The following OR10H1 variants were observed in gnomAD, a reference collection of about 807,000 sequenced individuals.
OR10H1 encodes the protein olfactory receptor family 10 subfamily H member 1.
OR10H1 carries 12 observed loss-of-function variants against 13.1 expected under a neutral mutation model. That is an observed-to-expected ratio of 0.92 (90% CI 0.59 to 1.48). OR10H1 has a LOEUF of 1.48. Among genes scored for constraint, OR10H1 ranks in the 40% most tolerant of loss-of-function variants. The probability of loss-of-function intolerance (pLI) is 0.00; values close to 1 mark genes in which losing one functional copy is unlikely to be tolerated. For missense variants in OR10H1, 363 were observed against 413.1 expected (o/e 0.88, Z 1.05); for synonymous variants, 168 against 175.6 (o/e 0.96, Z 0.34).
At position 15,805,170 on chromosome 19, in the gene OR10H1, G is replaced by C. The variant is rs2088888539; in HGVS notation, c.*1911C>G. On this transcript the variant is annotated 3_prime_UTR_variant, in exon 4 of 4. Transcript: ENST00000641419. ...GCAAAAATTTTCTCCCATTCTGTAG[G>C]TTGCCTGTTCACTCTGATGGTAGTT... The C allele has an allele frequency of 6.6e-6, 1 of 151,938 alleles. No homozygotes were observed. The highest frequency in any genetic ancestry group is 1.5e-5 in the Non-Finnish European group (1 of 67,986). The allele number at this position is 151,938 out of a possible 1,614,324, so 9.4% of individuals were successfully genotyped here. A position where few individuals can be genotyped will look rare whatever the true frequency, so the allele number is the denominator to read the frequency against.
intron 1 of OR10H1, among the ~76,000 whole-genome samples, chr19:15,814,583 G>A (rs988258105): frequency 6.0e-5 from 9 of 151,086 alleles, no homozygotes; most frequent in African/African-American, 2.2e-4. Flanking sequence ...CACAATCACA[G>A]CTCACTGCAG....
chr19:15,810,884 GAAAT>G (rs1359415696), intron 2 of OR10H1, among the ~76,000 whole-genome samples: 7 of 58,732 alleles, frequency 1.2e-4, no homozygotes, highest in East Asian at 3.2e-4. Flanking sequence ...TAAAAATAAA[GAAAT>G]AAAATAAAAT....
chr19:15,808,131 G>T, intron 3 of OR10H1, 83 bp from the exon 4 acceptor site: 3 of 1,145,078 alleles, frequency 2.6e-6, no homozygotes, highest in Non-Finnish European at 3.8e-6. Flanking sequence ...TTTGCCCAAG[G>T]GACTGCTCTT....
rs763778171 is a variant in OR10H1, at chr19:15,807,606, C to T, written c.432G>A (p.Leu144=). 1.9e-5 allele frequency: 30 copies of T among 1,614,120 alleles called. No homozygotes were observed. Among genetic ancestry groups the T allele is most frequent in the Non-Finnish European group, 2.5e-5 (29 of 1,180,050 alleles). ...VLMSPRGCAC[L]VGCSWAGGLV... ...AGCCACCAGCCCAGGAGCAGCCCAC[C>T]AGGCAGGCGCAGCCCCGCGGGCTCA... Residue 144 remains leucine (L), a synonymous_variant, in exon 4 of 4, where the codon CTG becomes CTA. Transcript: ENST00000641419.
In OR10H1 at chr19:15,807,333, C is replaced by G. The variant is rs551865251; in HGVS notation, c.705G>C (p.Arg235=). 3.1e-6 allele frequency: 5 copies of G among 1,613,902 alleles called. No homozygotes were observed. In the Admixed American group the frequency reaches 8.3e-5, roughly 27 times the overall value. Residue 235 remains arginine (R), a synonymous_variant, in exon 4 of 4, where the codon CGG becomes CGC. Coordinates refer to ENST00000641419, the MANE Select transcript of OR10H1 (RefSeq NM_013940.4). The part of the protein sequence containing the change: ...AILKIPSAEG[R]NKAFSTCASH... Reference sequence around the variant, plus strand: ...AGGCACAGGTGGAGAAGGCCTTGTTCCGACCTTCAGCAGAAGGGATCTTCA... The same window carrying G: ...AGGCACAGGTGGAGAAGGCCTTGTTGCGACCTTCAGCAGAAGGGATCTTCA...
chr19:15,807,790 G>C lies in OR10H1; in HGVS notation c.248C>G (p.Ala83Gly). ...GGAGCGCTGGGTGGACAGCAGGTCG[G>C]CCAGCATGCGCGGGATGATGGCCAC... Reference protein sequence around the residue: ...YTVAIIPRMLADLLSTQRSIA... With the variant: ...YTVAIIPRMLGDLLSTQRSIA... The change falls in exon 4 of 4, where the codon GCC becomes GGC. Residue 83 changes from alanine to glycine, a missense_variant. Ala to Gly is a moderately conservative substitution (Grantham distance 60). This residue lies in a region of OR10H1 where 318 missense variants were observed against 366.6 expected (regional missense o/e 0.87). Transcript: ENST00000641419. 1 of 1,606,792 alleles carries C rather than the reference G, an allele frequency of 6.2e-7. No individual in the cohort carries two copies. The highest frequency in any genetic ancestry group is 8.5e-7 in the Non-Finnish European group (1 of 1,174,592).
intron 1 of OR10H1, among the ~76,000 whole-genome samples, chr19:15,813,978 G>T (rs1390270835): frequency 2.6e-5 from 4 of 152,042 alleles, no homozygotes; most frequent in African/African-American, 9.7e-5. Context: ...AACACCCGGT[G>T]GGGCCAGTTC....
intron 2 of OR10H1, among the ~76,000 whole-genome samples, chr19:15,811,205 C>T (rs561221273): frequency 1.7e-3 from 261 of 152,276 alleles, no homozygotes; most frequent in Non-Finnish European, 3.1e-3. Flanking sequence ...ATAGTGGCCC[C>T]CACAGCACCA....
chr19:15,815,289 C>T (rs147680507), intron 1 of OR10H1, among the ~76,000 whole-genome samples: 1,813 of 149,514 alleles, frequency 0.012, 32 homozygotes, highest in African/African-American at 0.042. Flanking sequence ...TGCAGTGAGC[C>T]GAGATTGCGC....
Position 15,808,011 on chromosome 19 carries a change from C to T in OR10H1, c.27G>A (p.Val9=). 6.2e-7 allele frequency: 1 copy of T among 1,613,752 alleles called. No homozygotes were observed. The highest frequency in any genetic ancestry group is 8.5e-7 in the Non-Finnish European group (1 of 1,179,774). The change falls in exon 4 of 4, where the codon GTG becomes GTA. Residue 9 remains valine (V), a synonymous_variant. Coordinates refer to ENST00000641419, the MANE Select transcript of OR10H1 (RefSeq NM_013940.4). MQRANHST[V]TQFILVGFSV... ...AGAAGCCGACGAGGATGAATTGGGT[C>T]ACTGTGGAGTGATTGGCTCTCTGCA...
rs199627907 is a variant in OR10H1, at chr19:15,807,770, G to A, written c.268C>T (p.Arg90Cys). Reference sequence around the variant, plus strand: ...GCACAGGCCAGGAAGGCGATGGAGCGCTGGGTGGACAGCAGGTCGGCCAGC... The same window carrying A: ...GCACAGGCCAGGAAGGCGATGGAGCACTGGGTGGACAGCAGGTCGGCCAGC... ...RMLADLLSTQRSIAFLACASQ... is the reference protein window; with the variant it reads ...RMLADLLSTQCSIAFLACASQ... The change falls in exon 4 of 4, where the codon CGC (arginine) becomes TGC (cysteine). Residue 90 changes from arginine to cysteine, a missense_variant. Arg to Cys is a radical substitution (Grantham distance 180). This residue lies in a region of OR10H1 where 318 missense variants were observed against 366.6 expected (regional missense o/e 0.87). Transcript: ENST00000641419. 24 of 1,608,796 alleles carry A rather than the reference G, an allele frequency of 1.5e-5. No homozygotes were observed. The East Asian group carries it at 1.6e-4, about 10-fold the overall frequency.
chr19:15,814,476 TGTGTGAGAGAGAGAGAGA>T (rs751141416), intron 1 of OR10H1, among the ~76,000 whole-genome samples: 291 of 42,982 alleles, frequency 6.8e-3, no homozygotes, highest in African/African-American at 0.024. Flanking sequence ...TGTGTGTGTG[TGTGTGAGAGAGAGAGAGA>T]GAGAGAGAGA....
chr19:15,813,966 G>A (rs1308860333), intron 1 of OR10H1, among the ~76,000 whole-genome samples: 3 of 152,036 alleles, frequency 2.0e-5, no homozygotes, highest in African/African-American at 7.2e-5. Context: ...AGCACTGACA[G>A]GAACACCCGG....
Position 15,807,513 on chromosome 19 carries a change from G to A in OR10H1, c.525C>T (p.His175=). The change falls in exon 4 of 4, where the codon CAC becomes CAT. Residue 175 remains histidine (H), a synonymous_variant. Transcript: ENST00000641419. ...GAGGTGGCACATGGCAAGCAAAATG[G>A]TGGATCTCCTTGTGTCCACAGAAGG... ...HLAFCGHKEI[H]HFACHVPPLL... is the part of the protein sequence containing the mutation. 2 of 1,614,242 alleles carry A rather than the reference G, an allele frequency of 1.2e-6. No homozygotes were observed. Among genetic ancestry groups the A allele is most frequent in the Non-Finnish European group, 1.7e-6 (2 of 1,180,050 alleles).
chr19:15,813,064 CA>C lies in OR10H1; in HGVS notation c.-777-187del, dbSNP rs373183585. Among the ~76,000 whole-genome samples the C allele has an allele frequency of 5.4e-3, 819 of 151,524 alleles. 10 individuals are homozygous for C. The highest frequency in any genetic ancestry group is 0.019 in the African/African-American group (781 of 41,274). On this transcript the variant is annotated intron_variant, in intron 1 of 3. Transcript: ENST00000641419. ...TCAAAACCCAGAGAATGTACAGCCC[CA>C]AGAGTGAACTCTAATGTAACTGTGG...
At chr19:15,814,417 T>C (rs369646375) in intron 1 of OR10H1, among the ~76,000 whole-genome samples, 3 of 147,996 alleles carry the variant, frequency 2.0e-5, no homozygotes, top group African/African-American at 2.5e-5. Context: ...AACCATTCCC[T>C]CACCACCTGC....
Position 15,807,138 on chromosome 19 carries a change from G to A in OR10H1, c.900C>T (p.Val300=), listed in dbSNP as rs763196892. Residue 300 remains valine, a synonymous_variant, in exon 4 of 4, where the codon GTC becomes GTT. Coordinates refer to ENST00000641419, the MANE Select transcript of OR10H1 (RefSeq NM_013940.4). The stretch of plus-strand genomic sequence containing the variant: ...TACTGAAGAAGGTCTTCTTCATGGC[G>A]ACCTTCAGCTCCTTGTTCCTGAGGC... The part of the protein sequence containing the change: ...IFSLRNKELK[V]AMKKTFFSKL... The A allele has an allele frequency of 9.3e-6, 15 of 1,613,936 alleles. No homozygotes were observed. The highest frequency in any genetic ancestry group is 1.7e-5 in the Admixed American group (1 of 59,954).
chr19:15,807,317 T>G lies in OR10H1; in HGVS notation c.721A>C (p.Thr241Pro), dbSNP rs759917084. Reference protein sequence around the residue: ...SAEGRNKAFSTCASHLTVVVV... With the variant: ...SAEGRNKAFSPCASHLTVVVV... ...ACCACAGTGAGGTGAGAGGCACAGG[T>G]GGAGAAGGCCTTGTTCCGACCTTCA... The change falls in exon 4 of 4, where the codon ACC becomes CCC. Residue 241 changes from threonine (T) to proline (P), a missense_variant. Coordinates refer to ENST00000641419, the MANE Select transcript of OR10H1 (RefSeq NM_013940.4). The G allele has an allele frequency of 9.3e-6, 15 of 1,613,622 alleles. No individual in the cohort carries two copies. In the South Asian group the frequency reaches 1.5e-4, roughly 17 times the overall value.
Position 15,806,582 on chromosome 19 carries a change from A to G in OR10H1, c.*499T>C. 1 of 155,632 alleles carries G rather than the reference A, an allele frequency of 6.4e-6. No individual in the cohort carries two copies. Among genetic ancestry groups the G allele is most frequent in the Non-Finnish European group, 1.4e-5 (1 of 70,354 alleles). The allele number at this position is 155,632 out of a possible 1,614,324, so 9.6% of individuals were successfully genotyped here. A position where few individuals can be genotyped will look rare whatever the true frequency, so the allele number is the denominator to read the frequency against. On this transcript the variant is annotated 3_prime_UTR_variant, in exon 4 of 4. Coordinates refer to ENST00000641419, the MANE Select transcript of OR10H1 (RefSeq NM_013940.4). ...CACCATGCCAAGCTATTTTTTTCTA[A>G]GTTTTTGTAGATATGCAGTCTTGCT... is the stretch of plus-strand genomic sequence containing the variant.
Sources: allele counts gnomAD v4.1 joint callset (sites outside exome capture counted in the v4.1 genomes callset), GRCh38; gene constraint gnomAD v4.1.1; regional missense constraint gnomAD v4.1.1; transcripts MANE v1.5; gene names NCBI Gene and HGNC (gene_info 2026-07-23, HGNC 2026-07-21).